NEK6: variants seen among roughly 807,000 people sequenced by gnomAD.
NEK6 encodes the protein serine/threonine-protein kinase Nek6.
NEK6 carries 27 observed loss-of-function variants against 43.5 expected under a neutral mutation model. The observed-to-expected ratio is 0.62, with a 90% CI of 0.46 to 0.86. NEK6 has a LOEUF of 0.86. Among genes scored for constraint, NEK6 ranks in the 40% least tolerant of loss-of-function variants. The probability of loss-of-function intolerance (pLI) is 0.00; values close to 1 mark genes in which losing one functional copy is unlikely to be tolerated. For synonymous variants in NEK6, 167 were observed against 164.1 expected (o/e 1.02, Z -0.14); for missense variants, 318 against 414.4 (o/e 0.77, Z 2.02).
Position 124,326,201 on chromosome 9 carries a change from A to AAC in NEK6, c.406-129_406-128insAC. The AAC allele has an allele frequency of 5.6e-6, 1 of 178,464 alleles. No individual in the cohort carries two copies. Among genetic ancestry groups the AAC allele is most frequent in the Non-Finnish European group, 1.3e-5 (1 of 77,504 alleles). 11.1% of individuals were successfully genotyped at this position (178,464 alleles called of 1,614,324 possible). On this transcript the variant is annotated intron_variant, in intron 5 of 9. Transcript: ENST00000320246. This position sits in a 1 kb window ranked among gnomAD's most constrained non-coding sequence, Gnocchi z 4.5. The stretch of plus-strand genomic sequence containing the variant: ...GGCTTATTGTTTGCTCAGTGGCTCA[A>AAC]TCCCCCCCCCCCGCCCCTGCCAGGC...
At chr9:124,350,045 C>A (rs1285362198) in intron 9 of NEK6, among the ~76,000 whole-genome samples, 1 of 152,220 alleles carries the variant, frequency 6.6e-6, no homozygotes, top group Non-Finnish European at 1.5e-5. Context: ...CTTCCCAGTC[C>A]CTGAGTGAGT....
At chr9:124,259,629 C>T (rs1162149734) in intron 1 of NEK6, 1 of 152,200 alleles carries the variant, frequency 6.6e-6, no homozygotes, top group African/African-American at 2.4e-5. Flanking sequence ...CTGCGTCCCC[C>T]ACCCCCAAAT....
upstream of NEK6, chr9:124,257,813 G>T (rs1830864336): frequency 3.9e-6 from 5 of 1,271,042 alleles, no homozygotes; most frequent in South Asian, 8.8e-5. Context: ...GAGTCGAGGG[G>T]TCCAGGCCCA....
intron 1 of NEK6, among the ~76,000 whole-genome samples, chr9:124,273,258 A>T (rs545073396): frequency 6.6e-6 from 1 of 152,268 alleles, no homozygotes; most frequent in African/African-American, 2.4e-5. Flanking sequence ...TCTGTCTGCC[A>T]TCATCCATGG....
intron 9 of NEK6, among the ~76,000 whole-genome samples, 173 bp from the exon 10 acceptor site, chr9:124,350,664 G>A (rs1224695236): frequency 3.3e-5 from 5 of 152,128 alleles, no homozygotes; most frequent in East Asian, 1.9e-4. Flanking sequence ...GGAGCCATGC[G>A]GCTGCGCACC....
At chr9:124,285,203 A>G (rs1467402199) in intron 1 of NEK6, among the ~76,000 whole-genome samples, 1 of 152,186 alleles carries the variant, frequency 6.6e-6, no homozygotes, top group Non-Finnish European at 1.5e-5. Flanking sequence ...TGACCGCTCA[A>G]GCCTTTGAGC....
chr9:124,322,159 T>G (rs1444080601), intron 5 of NEK6, among the ~76,000 whole-genome samples: 1 of 152,172 alleles, frequency 6.6e-6, no homozygotes, highest in Non-Finnish European at 1.5e-5. Flanking sequence ...CCTGGGACCC[T>G]TTGGTGGACA....
At chr9:124,271,808 G>A (rs1354120198) in intron 1 of NEK6, among the ~76,000 whole-genome samples, 4 of 152,288 alleles carry the variant, frequency 2.6e-5, no homozygotes, top group African/African-American at 9.6e-5. Context: ...CCCCTGAGCA[G>A]TCCATCCTTG....
chr9:124,342,206 A>T (rs1468191821), intron 8 of NEK6, among the ~76,000 whole-genome samples: 1 of 152,224 alleles, frequency 6.6e-6, no homozygotes, highest in Admixed American at 6.5e-5. Flanking sequence ...GAGGGGATGC[A>T]AACCCACCTG....
intron 8 of NEK6, among the ~76,000 whole-genome samples, chr9:124,342,192 T>G (rs1033722889): frequency 1.1e-4 from 16 of 152,294 alleles, no homozygotes; most frequent in African/African-American, 3.6e-4. Flanking sequence ...CCCTAAGGTC[T>G]GAGGAGGGGA....
chr9:124,348,531 T>C (rs1279908764), intron 9 of NEK6, among the ~76,000 whole-genome samples: 3 of 152,042 alleles, frequency 2.0e-5, no homozygotes, highest in African/African-American at 7.3e-5. Flanking sequence ...CTCTGCACTG[T>C]TCCTAGGTGA....
chr9:124,344,789 G>A (rs546540177), intron 8 of NEK6, among the ~76,000 whole-genome samples: 4 of 152,362 alleles, frequency 2.6e-5, no homozygotes, highest in African/African-American at 9.6e-5. Context: ...GTGCCCAGCT[G>A]GGACTGAGAC....
intron 8 of NEK6, among the ~76,000 whole-genome samples, chr9:124,346,812 G>GC (rs1362517140): frequency 6.6e-6 from 1 of 152,194 alleles, no homozygotes; most frequent in African/African-American, 2.4e-5. Context: ...GGAGGCCACC[G>GC]CCCCACAGGC....
intron 9 of NEK6, among the ~76,000 whole-genome samples, chr9:124,349,925 G>GC (rs1263213781): frequency 6.6e-6 from 1 of 152,216 alleles, no homozygotes; most frequent in African/African-American, 2.4e-5. Flanking sequence ...GGGAGAAAAT[G>GC]CCCCATCAGC....
Position 124,324,744 on chromosome 9 carries a change from A to G in NEK6, c.406-1586A>G, listed in dbSNP as rs768379684. ...CCTCGAGGGGATTTACGGCGAGGTC[A>G]GGGGCTCCCCACTGCGACTGTCCCA... On this transcript the variant is annotated intron_variant, in intron 5 of 9. Coordinates refer to ENST00000320246, the MANE Select transcript of NEK6 (RefSeq NM_014397.6). The surrounding 1 kb of genome is among the most constrained non-coding windows in gnomAD (Gnocchi z 5.3). 6.6e-6 allele frequency among the ~76,000 whole-genome samples: 1 copy of G among 152,122 alleles called. No homozygotes were observed. The highest frequency in any genetic ancestry group is 2.4e-5 in the African/African-American group (1 of 41,434).
intron 1 of NEK6, among the ~76,000 whole-genome samples, chr9:124,264,814 CAAAAAAAAAAAAA>C (rs372219790): frequency 1.7e-4 from 15 of 88,700 alleles, no homozygotes; most frequent in African/African-American, 5.6e-4. Context: ...GACTCTGTAT[CAAAAAAAAAAAAA>C]AAAAAAAAAA....
intron 1 of NEK6, chr9:124,293,046 G>A (rs775536345): frequency 3.1e-5 from 45 of 1,468,738 alleles, no homozygotes; most frequent in Non-Finnish European, 4.1e-5. Flanking sequence ...GGCAGGCAGG[G>A]GTCTCTGGGA....
Position 124,308,003 on chromosome 9 carries a change from C to G in NEK6, c.91-4506C>G, listed in dbSNP as rs1260574974. On this transcript the variant is annotated intron_variant, in intron 2 of 9. Coordinates refer to ENST00000320246, the MANE Select transcript of NEK6 (RefSeq NM_014397.6). ...ACAGATAGCAGCACAATCACCGTCACCACGACTGGAGAATGACATGTCCCA... is the reference window on the plus strand; with the variant it reads ...ACAGATAGCAGCACAATCACCGTCAGCACGACTGGAGAATGACATGTCCCA... 1.3e-5 allele frequency among the ~76,000 whole-genome samples: 2 copies of G among 152,240 alleles called. 1 individual carries two copies. The highest frequency in any genetic ancestry group is 4.1e-4 in the South Asian group (2 of 4,834).
intron 7 of NEK6, among the ~76,000 whole-genome samples, chr9:124,333,057 C>A (rs894521381): frequency 6.6e-6 from 1 of 152,228 alleles, no homozygotes; most frequent in Non-Finnish European, 1.5e-5. Context: ...GCAGGACCCC[C>A]GCTGTCTGTG....
Sources: allele counts gnomAD v4.1 joint callset (sites outside exome capture counted in the v4.1 genomes callset), GRCh38; gene constraint gnomAD v4.1.1; non-coding constraint Gnocchi (gnomAD v3.1); transcripts MANE v1.5; gene names NCBI Gene and HGNC (gene_info 2026-07-23, HGNC 2026-07-21).